LRRC4C: variants seen among roughly 807,000 people sequenced by gnomAD.
The protein encoded by LRRC4C is leucine-rich repeat-containing protein 4C.
A neutral mutation model predicts 33.6 loss-of-function variants in LRRC4C; 5 were observed. The ratio of observed to expected loss-of-function variants is 0.15; its 90% CI spans 0.08 to 0.31. The LOEUF is 0.31. Among genes scored for constraint, LRRC4C ranks in the 10% least tolerant of loss-of-function variants. LRRC4C has a pLI of 1.00. For synonymous variants in LRRC4C, 329 were observed against 302.0 expected, an observed-to-expected ratio of 1.09 and a Z score of -0.93; for missense variants, 560 against 796.7, an observed-to-expected ratio of 0.70 and a Z score of 3.58.
chr11:40,813,786 AC>A (rs1951591474), intron 2 of LRRC4C, among the ~76,000 whole-genome samples: 1 of 152,178 alleles, frequency 6.6e-6, no homozygotes, highest in East Asian at 1.9e-4. Flanking sequence ...AACTGGCAAA[AC>A]GAAGGGGCTA....
intron 3 of LRRC4C, among the ~76,000 whole-genome samples, chr11:40,458,709 G>A (rs1189044365): frequency 6.6e-6 from 1 of 152,112 alleles, no homozygotes; most frequent in Non-Finnish European, 1.5e-5. Flanking sequence ...ACAGTCTACT[G>A]AAAGAATAAG....
intron 1 of LRRC4C, among the ~76,000 whole-genome samples, chr11:41,162,344 C>T (rs746752607): frequency 4.6e-5 from 7 of 152,086 alleles, no homozygotes; most frequent in Non-Finnish European, 8.8e-5. Flanking sequence ...GCCTTATTTC[C>T]GATGAGTTCA....
At chr11:41,346,611 C>A (rs1477708064) in intron 1 of LRRC4C, among the ~76,000 whole-genome samples, 3 of 152,054 alleles carry the variant, frequency 2.0e-5, no homozygotes, top group Non-Finnish European at 4.4e-5. Context: ...TATAAGATAT[C>A]CTAGAAGAAA....
chr11:40,938,454 C>T (rs536470342), intron 1 of LRRC4C, among the ~76,000 whole-genome samples: 4 of 152,092 alleles, frequency 2.6e-5, no homozygotes, highest in Non-Finnish European at 4.4e-5. Context: ...ATAACAATGA[C>T]GATGGCAGTA....
At chr11:40,722,552 C>G (rs781383902) in intron 2 of LRRC4C, among the ~76,000 whole-genome samples, 2 of 152,202 alleles carry the variant, frequency 1.3e-5, no homozygotes, top group Non-Finnish European at 1.5e-5. Context: ...ACAACATACA[C>G]TGCAGTCAAA....
At chr11:41,308,578 G>A (rs1026218515) in intron 1 of LRRC4C, among the ~76,000 whole-genome samples, 2 of 152,004 alleles carry the variant, frequency 1.3e-5, no homozygotes, top group African/African-American at 4.8e-5. Context: ...AAAAGCTTGG[G>A]CCAATATTAA....
intron 1 of LRRC4C, among the ~76,000 whole-genome samples, chr11:41,304,601 C>T (rs1406876520): frequency 1.8e-5 from 2 of 112,472 alleles, no homozygotes; most frequent in African/African-American, 3.4e-5. Context: ...CCCGGCCAGC[C>T]GCCCCGTCTG....
At chr11:40,337,349 T>A (rs954169007) in intron 3 of LRRC4C, among the ~76,000 whole-genome samples, 3 of 152,214 alleles carry the variant, frequency 2.0e-5, no homozygotes, top group Admixed American at 2.0e-4. Flanking sequence ...TTTACATTTT[T>A]AAATAATCAG....
At chr11:40,527,822 C>T (rs959881516) in intron 3 of LRRC4C, among the ~76,000 whole-genome samples, 6 of 151,942 alleles carry the variant, frequency 3.9e-5, no homozygotes, top group African/African-American at 1.5e-4. Flanking sequence ...GATCTCGGCT[C>T]ACCACAACCT....
chr11:40,230,758 G>A (rs1427805709), intron 5 of LRRC4C, among the ~76,000 whole-genome samples: 1 of 152,178 alleles, frequency 6.6e-6, no homozygotes, highest in East Asian at 1.9e-4. Context: ...CATGTAGGTG[G>A]TAGATGAAGA....
intron 1 of LRRC4C, among the ~76,000 whole-genome samples, chr11:41,031,199 C>T (rs1429704375): frequency 6.6e-6 from 1 of 151,818 alleles, no homozygotes; most frequent in East Asian, 1.9e-4. Context: ...GCTGAAAAGG[C>T]CGAAGGTTGA....
At chr11:41,403,927 C>A (rs146640285) in intron 1 of LRRC4C, among the ~76,000 whole-genome samples, 2 of 150,960 alleles carry the variant, frequency 1.3e-5, no homozygotes, top group African/African-American at 5.0e-5. Flanking sequence ...TGCACTTATA[C>A]ACACACCTGT....
chr11:40,236,181 C>T (rs1229407691), intron 5 of LRRC4C, among the ~76,000 whole-genome samples: 1 of 151,924 alleles, frequency 6.6e-6, no homozygotes, highest in Non-Finnish European at 1.5e-5. Context: ...ATTTTGACCT[C>T]TAATATTTAA....
At chr11:40,476,348 T>C (rs1327777920) in intron 3 of LRRC4C, among the ~76,000 whole-genome samples, 2 of 143,788 alleles carry the variant, frequency 1.4e-5, no homozygotes, top group African/African-American at 5.1e-5. Flanking sequence ...TCTTCTTTTT[T>C]TTTTTTTTTT....
intron 3 of LRRC4C, among the ~76,000 whole-genome samples, chr11:40,345,475 C>T (rs1947082953): frequency 6.6e-6 from 1 of 152,078 alleles, no homozygotes; most frequent in East Asian, 1.9e-4. Context: ...ATAAATGGTG[C>T]TGGGAGAACT....
intron 2 of LRRC4C, among the ~76,000 whole-genome samples, chr11:40,649,293 C>G (rs531057221): frequency 2.0e-5 from 3 of 152,088 alleles, no homozygotes; most frequent in Admixed American, 2.0e-4. Context: ...ACTCCCAGAG[C>G]GGCCGTTTAT....
At chr11:40,866,742 T>A (rs961838069) in intron 2 of LRRC4C, among the ~76,000 whole-genome samples, 3 of 152,086 alleles carry the variant, frequency 2.0e-5, no homozygotes, top group Non-Finnish European at 2.9e-5. Context: ...GAATAATAAT[T>A]ATTATTATTT....
At chr11:40,351,695 A>G (rs1303849) in intron 3 of LRRC4C, 68,831 of 151,744 alleles carry the variant, frequency 0.45, 16,656 homozygotes, top group East Asian at 0.8. Context: ...TGCTTTATAT[A>G]TCTGGTTGAT....
At chr11:40,269,564 A>C (rs1259032188) in intron 4 of LRRC4C, among the ~76,000 whole-genome samples, 2 of 152,038 alleles carry the variant, frequency 1.3e-5, no homozygotes, top group African/African-American at 4.8e-5. Flanking sequence ...CCACTATGTC[A>C]CTCCAAACTG....
Sources: allele counts gnomAD v4.1 joint callset (sites outside exome capture counted in the v4.1 genomes callset), GRCh38; gene constraint gnomAD v4.1.1; transcripts MANE v1.5; gene names NCBI Gene and HGNC (gene_info 2026-07-23, HGNC 2026-07-21).